SLCO3A1: variants seen among roughly 807,000 people sequenced by gnomAD.
The protein encoded by SLCO3A1 is PGE1 transporter.
A neutral mutation model predicts 63.1 loss-of-function variants in SLCO3A1; 27 were observed. The observed-to-expected ratio is 0.43, with a 90% CI of 0.32 to 0.59. SLCO3A1 has a LOEUF of 0.59. Ranked by LOEUF, SLCO3A1 falls within the 20% of genes least tolerant of loss-of-function variation. The pLI, the probability that SLCO3A1 is intolerant of heterozygous loss-of-function variation, is 0.09. For missense variants in SLCO3A1, 773 were observed against 945.8 expected (o/e 0.82, Z 2.40); for synonymous variants, 473 against 409.9 (o/e 1.15, Z -1.86).
intron 2 of SLCO3A1, among the ~76,000 whole-genome samples, chr15:92,022,070 A>C (rs1485307762): frequency 6.6e-6 from 1 of 152,256 alleles, no homozygotes; most frequent in Non-Finnish European, 1.5e-5. Flanking sequence ...CTGAAACCAG[A>C]GTTCCCATCT....
Position 92,104,371 on chromosome 15 carries a change from C to G in SLCO3A1, c.838C>G (p.Leu280Val). The G allele has an allele frequency of 6.2e-7, 1 of 1,614,194 alleles. No homozygotes were observed. ...LCGALLFFSS[L>V]LMFGFPQSLP... ...CGGTGCCTTACTCTTCTTCTCTTCC[C>G]TCTTGATGTTTGGGTTTCCACAGTC... is the stretch of plus-strand genomic sequence containing the variant. The change falls in exon 4 of 10, where the codon CTC becomes GTC. Residue 280 changes from leucine (L) to valine (V), a missense_variant. Physicochemically the swap from Leu to Val is conservative, Grantham distance 32 (BLOSUM62 1). Coordinates refer to ENST00000318445, the MANE Select transcript of SLCO3A1 (RefSeq NM_013272.4).
chr15:91,977,036 T>C (rs1233301891), intron 2 of SLCO3A1, among the ~76,000 whole-genome samples: 1 of 152,162 alleles, frequency 6.6e-6, no homozygotes, highest in Non-Finnish European at 1.5e-5. Flanking sequence ...TTCCTCTTCC[T>C]GATAATCCTG....
rs529842319 is a variant in SLCO3A1 at position 91,923,393 on chromosome 15, T to C, written c.646+6935T>C. Among the ~76,000 whole-genome samples, 14 of 152,326 alleles carry C rather than the reference T, an allele frequency of 9.2e-5. No individual in the cohort carries two copies. In the South Asian group the frequency reaches 1.2e-3, roughly 14 times the overall value. ...TTATAGAGCTGAGAATAGCAACCTC[T>C]TCAGTCCTGAATTAAACCAGCAGCG... On this transcript the variant is annotated intron_variant, in intron 2 of 9. Transcript: ENST00000318445.
intron 7 of SLCO3A1, among the ~76,000 whole-genome samples, chr15:92,130,382 G>T (rs987006404): frequency 2.0e-5 from 3 of 152,226 alleles, no homozygotes; most frequent in Non-Finnish European, 2.9e-5. Flanking sequence ...CACATTGTCT[G>T]CTGGGGTGTA....
chr15:91,946,355 G>A (rs560847062), intron 2 of SLCO3A1, among the ~76,000 whole-genome samples: 69 of 152,304 alleles, frequency 4.5e-4, no homozygotes, highest in Admixed American at 7.8e-4. Context: ...GAATCTGATC[G>A]TGTTACCTTC....
chr15:92,038,252 A>C (rs2046752151), intron 2 of SLCO3A1, among the ~76,000 whole-genome samples: 1 of 152,206 alleles, frequency 6.6e-6, no homozygotes, highest in Admixed American at 6.5e-5. Flanking sequence ...ATATGAGCTA[A>C]TAATGTGTGT....
intron 8 of SLCO3A1, among the ~76,000 whole-genome samples, chr15:92,148,529 A>C (rs1157700540): frequency 1.3e-5 from 2 of 151,938 alleles, no homozygotes. Context: ...TTGAAAAATA[A>C]ATTTTAAAAA....
intron 4 of SLCO3A1, among the ~76,000 whole-genome samples, chr15:92,105,529 A>G (rs77288920): frequency 9.9e-4 from 151 of 152,298 alleles, no homozygotes; most frequent in African/African-American, 3.4e-3. Context: ...CCACCGCCCA[A>G]GTTGTTTCCA....
chr15:91,880,753 C>T (rs1285650382), intron 1 of SLCO3A1, among the ~76,000 whole-genome samples: 9 of 152,026 alleles, frequency 5.9e-5, no homozygotes, highest in African/African-American at 2.2e-4. Context: ...TGTTAGTTAA[C>T]CGTTCACCTC....
downstream of SLCO3A1, among the ~76,000 whole-genome samples, chr15:92,169,390 C>A (rs570456520): frequency 9.9e-4 from 151 of 152,322 alleles, no homozygotes; most frequent in African/African-American, 3.5e-3. Context: ...CACCTTTAGA[C>A]ACTGATCAAG....
chr15:91,977,522 T>C (rs964844447), intron 2 of SLCO3A1, among the ~76,000 whole-genome samples: 2 of 152,146 alleles, frequency 1.3e-5, no homozygotes, highest in Non-Finnish European at 2.9e-5. Context: ...GAAAACCAAA[T>C]ATGTCATGTT....
chr15:91,968,165 C>A lies in SLCO3A1; in HGVS notation c.646+51707C>A, dbSNP rs1478307605. On this transcript the variant is annotated intron_variant, in intron 2 of 9. Transcript: ENST00000318445. The surrounding 1 kb of genome is among the most constrained non-coding windows in gnomAD (Gnocchi z 4.2). The stretch of plus-strand genomic sequence containing the variant: ...TTCTCAGACAGAGGACGTAATCATC[C>A]ATGCCCACAGAGGAGAGCGTGTGCC... 6.6e-6 allele frequency among the ~76,000 whole-genome samples: 1 copy of A among 152,126 alleles called. No individual in the cohort carries two copies. The highest frequency in any genetic ancestry group is 1.5e-5 in the Non-Finnish European group (1 of 68,028).
intron 2 of SLCO3A1, among the ~76,000 whole-genome samples, chr15:92,016,217 A>AT (rs2046425787): frequency 1.2e-5 from 1 of 83,876 alleles, no homozygotes; most frequent in South Asian, 3.7e-4. Context: ...AGATAGATAG[A>AT]TAGATAGATA....
At chr15:92,008,282 G>C (rs1289558574) in intron 2 of SLCO3A1, among the ~76,000 whole-genome samples, 2 of 152,194 alleles carry the variant, frequency 1.3e-5, no homozygotes, top group African/African-American at 4.8e-5. Context: ...CCTCCCTGGA[G>C]CTCAGGCTTT....
intron 2 of SLCO3A1, among the ~76,000 whole-genome samples, chr15:91,969,915 C>T (rs1343032306): frequency 6.6e-6 from 1 of 152,096 alleles, no homozygotes; most frequent in Admixed American, 6.5e-5. Context: ...TTGACCTGGG[C>T]GCAGTCATCA....
intron 2 of SLCO3A1, among the ~76,000 whole-genome samples, chr15:91,926,708 C>T (rs1249602913): frequency 3.3e-5 from 5 of 152,084 alleles, no homozygotes; most frequent in Admixed American, 6.5e-5. Flanking sequence ...ATTTCTTTAG[C>T]GCTCAGATTC....
intron 2 of SLCO3A1, among the ~76,000 whole-genome samples, chr15:91,938,425 T>C (rs1014591061): frequency 1.3e-5 from 2 of 152,060 alleles, no homozygotes; most frequent in African/African-American, 4.8e-5. Context: ...GTGTGTAGGA[T>C]GGATTAGCTC....
chr15:91,907,525 T>A (rs1171274780), intron 1 of SLCO3A1, among the ~76,000 whole-genome samples: 3 of 150,262 alleles, frequency 2.0e-5, no homozygotes, highest in Non-Finnish European at 4.4e-5. Flanking sequence ...CTTTCTTTTT[T>A]TTCTATTTTT....
chr15:92,159,288 C>T (rs949146549), intron 9 of SLCO3A1, among the ~76,000 whole-genome samples: 1 of 152,088 alleles, frequency 6.6e-6, no homozygotes, highest in Non-Finnish European at 1.5e-5. Flanking sequence ...AGATCGAGAC[C>T]ATCCTGGCCA....
Sources: gnomAD v4.1 joint callset for allele counts (sites outside exome capture counted in the v4.1 genomes callset) on GRCh38, gnomAD v4.1.1 for gene constraint, Gnocchi (gnomAD v3.1) non-coding constraint, MANE v1.5 for transcripts, NCBI Gene and HGNC (gene_info 2026-07-23, HGNC 2026-07-21) for gene names.